The following HPSE2 variants were observed in gnomAD, a reference collection of about 807,000 sequenced individuals.
The protein encoded by HPSE2 is inactive heparanase-2.
HPSE2 carries 38 observed loss-of-function variants against 60.5 expected under a neutral mutation model. That is an observed-to-expected ratio of 0.63 (90% CI 0.48 to 0.82). HPSE2 has a LOEUF of 0.82. HPSE2 is among the 40% of genes least tolerant of loss of function. The pLI is 0.00. For missense variants in HPSE2, 713 were observed against 740.4 expected (o/e 0.96, Z 0.43); for synonymous variants, 295 against 293.2 (o/e 1.01, Z -0.06).
intron 6 of HPSE2, among the ~76,000 whole-genome samples, chr10:98,672,645 G>A (rs776422749): frequency 9.2e-5 from 14 of 152,124 alleles, no homozygotes; most frequent in Non-Finnish European, 1.6e-4. Flanking sequence ...GAGAACAAAC[G>A]TCTATCAGAG....
intron 3 of HPSE2, among the ~76,000 whole-genome samples, chr10:99,082,436 C>T (rs1254946385): frequency 6.6e-6 from 1 of 152,160 alleles, no homozygotes; most frequent in African/African-American, 2.4e-5. Context: ...CCCAGTTAAG[C>T]TTCTGAACGT....
intron 9 of HPSE2, among the ~76,000 whole-genome samples, chr10:98,508,615 G>C (rs1942280362): frequency 6.6e-6 from 1 of 152,172 alleles, no homozygotes; most frequent in Non-Finnish European, 1.5e-5. Flanking sequence ...GAAGAAGTAG[G>C]GCAGGACTCT....
At chr10:99,305,752 A>C in the HPSE2 span, among the ~76,000 whole-genome samples, 1 of 152,104 alleles carries the variant, frequency 6.6e-6, no homozygotes, top group Non-Finnish European at 1.5e-5. Flanking sequence ...ATATATTCAA[A>C]TAAAGGAAAA....
At chr10:99,227,898 T>A (rs201616492) in intron 2 of HPSE2, among the ~76,000 whole-genome samples, 1 of 135,150 alleles carries the variant, frequency 7.4e-6, no homozygotes, top group South Asian at 2.5e-4. Context: ...TGTGTGTATA[T>A]ACATATATAT....
chr10:98,918,397 C>T (rs942972150), intron 3 of HPSE2, among the ~76,000 whole-genome samples: 14 of 151,624 alleles, frequency 9.2e-5, no homozygotes, highest in African/African-American at 1.5e-4. Flanking sequence ...TATTGCGGCA[C>T]TATTCACAAT....
chr10:98,679,603 C>T (rs1589625665), intron 6 of HPSE2, among the ~76,000 whole-genome samples: 2 of 152,142 alleles, frequency 1.3e-5, no homozygotes, highest in African/African-American at 4.8e-5. Flanking sequence ...CCAGTATAAG[C>T]TCATAAACAT....
At chr10:98,898,161 A>T (rs776453720) in intron 3 of HPSE2, among the ~76,000 whole-genome samples, 11 of 152,182 alleles carry the variant, frequency 7.2e-5, no homozygotes, top group Non-Finnish European at 1.3e-4. Flanking sequence ...ACTAAAAGAC[A>T]GTTTGGCAGC....
intron 3 of HPSE2, among the ~76,000 whole-genome samples, chr10:98,833,611 T>G (rs1481158096): frequency 6.6e-6 from 1 of 152,200 alleles, no homozygotes; most frequent in Admixed American, 6.5e-5. Context: ...ATCTTTATTT[T>G]ACCAATGGGG....
chr10:98,914,238 T>G (rs575016001), intron 3 of HPSE2, among the ~76,000 whole-genome samples: 24 of 152,230 alleles, frequency 1.6e-4, no homozygotes, highest in Admixed American at 6.5e-4. Context: ...GCTCTCATTT[T>G]TTTTGCCTGC....
At chr10:98,480,885 T>C (rs568937697) in intron 11 of HPSE2, among the ~76,000 whole-genome samples, 3 of 152,348 alleles carry the variant, frequency 2.0e-5, no homozygotes, top group South Asian at 4.1e-4. Flanking sequence ...GAGCATTTAC[T>C]ATATGTCAGG....
chr10:98,839,679 T>C (rs1951866865), intron 3 of HPSE2, among the ~76,000 whole-genome samples: 1 of 152,174 alleles, frequency 6.6e-6, no homozygotes. Context: ...TGTGGGAAGA[T>C]GTTTTTTCCC....
chr10:98,941,634 C>T lies in HPSE2; in HGVS notation c.611-197578G>A, dbSNP rs1305764330. Among the ~76,000 whole-genome samples the T allele has an allele frequency of 2.7e-4, 37 of 137,492 alleles. 9 individuals are homozygous for T. Among genetic ancestry groups the T allele is most frequent in the African/African-American group, 1.1e-3 (37 of 32,588 alleles). 90.2% of individuals were successfully genotyped at this position (137,492 alleles called of 152,430 possible). ...GCTCATGGATAGGAAGAATCAATATCGTGAAAATGGCCATACTGCCCAAGG... is the reference window on the plus strand; with the variant it reads ...GCTCATGGATAGGAAGAATCAATATTGTGAAAATGGCCATACTGCCCAAGG... On this transcript the variant is annotated intron_variant, in intron 3 of 11. Transcript: ENST00000370552.
Position 99,126,531 on chromosome 10 carries a change from T to C in HPSE2, c.610+17707A>G, listed in dbSNP as rs936274268. Among the ~76,000 whole-genome samples the C allele has an allele frequency of 2.6e-5, 4 of 151,904 alleles. No homozygotes were observed. The highest frequency in any genetic ancestry group is 4.2e-4 in the South Asian group (2 of 4,784). ...GAAAGTGCCACCTTCTGGCTGGAGG[T>C]CAACCAACTCAGGCCATTACAACAA... On this transcript the variant is annotated intron_variant, in intron 3 of 11. Transcript: ENST00000370552. This position sits in a 1 kb window ranked among gnomAD's most constrained non-coding sequence, Gnocchi z 4.0.
intron 3 of HPSE2, among the ~76,000 whole-genome samples, chr10:98,979,159 G>A (rs1437218314): frequency 1.3e-5 from 2 of 152,134 alleles, no homozygotes; most frequent in African/African-American, 4.8e-5. Context: ...ATGTGTGTTA[G>A]GTAAACCTCC....
intron 3 of HPSE2, among the ~76,000 whole-genome samples, chr10:99,067,762 G>T (rs955580731): frequency 3.3e-5 from 5 of 152,186 alleles, no homozygotes; most frequent in African/African-American, 4.8e-5. Context: ...TTGTCCTGGA[G>T]ACATTTTCCC....
At position 98,641,868 on chromosome 10, in the gene HPSE2, G is replaced by T. The variant is rs754802477; in HGVS notation, c.1077C>A (p.Asp359Glu). 2.5e-6 allele frequency: 4 copies of T among 1,613,348 alleles called. No homozygotes were observed. In the Admixed American group the frequency reaches 6.7e-5, roughly 27 times the overall value. ...TCACTTTCTGAATTTTCCTAATCTGGTCAGAGAGTGTGTCTAACAGGCGAG... is the reference window on the plus strand; with the variant it reads ...TCACTTTCTGAATTTTCCTAATCTGTTCAGAGAGTGTGTCTAACAGGCGAG... ...LKTRLLDTLS[D>E]QIRKIQKVVN... The change falls in exon 7 of 12, where the codon GAC becomes GAA. Residue 359 changes from aspartate (D) to glutamate (E), a missense_variant. Asp to Glu is a conservative substitution (Grantham distance 45, BLOSUM62 2). Transcript: ENST00000370552.
chr10:98,831,429 T>G (rs1951681851), intron 3 of HPSE2, among the ~76,000 whole-genome samples: 1 of 152,152 alleles, frequency 6.6e-6, no homozygotes, highest in African/African-American at 2.4e-5. Flanking sequence ...CAATATTTAT[T>G]GAAACAAGGG....
chr10:98,994,853 C>T (rs551299097), intron 3 of HPSE2, among the ~76,000 whole-genome samples: 1 of 152,154 alleles, frequency 6.6e-6, no homozygotes, highest in Non-Finnish European at 1.5e-5. Flanking sequence ...CCCTGTCCCT[C>T]CTTGGCAGAG....
rs140363343 is a variant in HPSE2, at chr10:98,585,026, CT to C, written c.1320+29877del. Among the ~76,000 whole-genome samples the C allele has an allele frequency of 6.8e-3, 1,028 of 152,208 alleles. 17 individuals are homozygous for C. The highest frequency in any genetic ancestry group is 0.024 in the African/African-American group (978 of 41,536). ...ACAAAGAAAACATAATTTAAATTTT[CT>C]ATTAGACTATAAGTTCTCTGAGAGC... On this transcript the variant is annotated intron_variant, in intron 9 of 11. Coordinates refer to ENST00000370552, the MANE Select transcript of HPSE2 (RefSeq NM_021828.5).
Sources: allele counts gnomAD v4.1 joint callset (sites outside exome capture counted in the v4.1 genomes callset), GRCh38; gene constraint gnomAD v4.1.1; non-coding constraint Gnocchi (gnomAD v3.1); transcripts MANE v1.5; gene names NCBI Gene and HGNC (gene_info 2026-07-23, HGNC 2026-07-21).